The following TMEM117 variants were observed in gnomAD, a reference collection of about 807,000 sequenced individuals.
The protein encoded by TMEM117 is transmembrane protein 117.
In TMEM117, 27 loss-of-function variants were observed where a neutral mutation model predicts 52.4. That is an observed-to-expected ratio of 0.51 (90% CI 0.38 to 0.71). TMEM117 has a LOEUF of 0.71. Among genes scored for constraint, TMEM117 ranks in the 30% least tolerant of loss-of-function variants. The probability of loss-of-function intolerance (pLI) is 0.00; values close to 1 mark genes in which losing one functional copy is unlikely to be tolerated. For missense variants in TMEM117, 556 were observed against 630.5 expected, an observed-to-expected ratio of 0.88 and a Z score of 1.26; for synonymous variants, 215 against 206.3, an observed-to-expected ratio of 1.04 and a Z score of -0.36.
At chr12:44,194,036 A>G (rs1333029814) in intron 4 of TMEM117, among the ~76,000 whole-genome samples, 2 of 152,210 alleles carry the variant, frequency 1.3e-5, no homozygotes, top group East Asian at 3.8e-4. Context: ...ATAAAGTAAT[A>G]TATGCAAATA....
chr12:43,830,574 C>T, the TMEM117 span, among the ~76,000 whole-genome samples: 5 of 149,798 alleles, frequency 3.3e-5, no homozygotes, highest in African/African-American at 1.2e-4. Context: ...CATGCCACTG[C>T]ACTCCAGCCT....
chr12:44,168,003 C>G (rs1472970698), intron 4 of TMEM117, among the ~76,000 whole-genome samples: 1 of 152,088 alleles, frequency 6.6e-6, no homozygotes, highest in Non-Finnish European at 1.5e-5. Flanking sequence ...CGCCTGTAAT[C>G]CCAGCACTTT....
At chr12:44,319,067 AC>A (rs1254583218) in intron 6 of TMEM117, among the ~76,000 whole-genome samples, 1 of 152,052 alleles carries the variant, frequency 6.6e-6, no homozygotes. Flanking sequence ...CAATTCCAGC[AC>A]CTACAACTGG....
chr12:44,009,847 T>G (rs767218876), intron 3 of TMEM117: 2 of 268,630 alleles, frequency 7.4e-6, no homozygotes, highest in Non-Finnish European at 1.6e-5. Flanking sequence ...TTGTGCAAAA[T>G]GGTCAGGAAC....
At chr12:44,181,993 A>G (rs1339372658) in intron 4 of TMEM117, among the ~76,000 whole-genome samples, 1 of 152,102 alleles carries the variant, frequency 6.6e-6, no homozygotes, top group Non-Finnish European at 1.5e-5. Flanking sequence ...TGAGCATGGA[A>G]TGTTCTTCCA....
intron 6 of TMEM117, among the ~76,000 whole-genome samples, chr12:44,319,531 A>G (rs540507804): frequency 1.3e-5 from 2 of 152,254 alleles, no homozygotes; most frequent in African/African-American, 2.4e-5. Context: ...CACTGTCTTA[A>G]TGGGTTCCCG....
At chr12:43,809,163 A>G in the TMEM117 span, among the ~76,000 whole-genome samples, 15 of 152,204 alleles carry the variant, frequency 9.9e-5, no homozygotes, top group Non-Finnish European at 1.6e-4. Context: ...AGCAGTATAC[A>G]TGTTTGTGTA....
At position 43,897,669 on chromosome 12, in the gene TMEM117, A is replaced by G. The variant is rs188746530; in HGVS notation, c.278-46541A>G. Among the ~76,000 whole-genome samples, 491 of 151,800 alleles carry G rather than the reference A, an allele frequency of 3.2e-3. 2 individuals are homozygous for G. The highest frequency in any genetic ancestry group is 6.0e-3 in the Non-Finnish European group (410 of 67,928). On this transcript the variant is annotated intron_variant, in intron 2 of 7. Transcript: ENST00000266534. ...GTTTCCCAGGCTGGAGTGCAGTGGC[A>G]TGTTATTGGCTCACTGTTGCCTCTG...
At chr12:43,944,382 G>A in intron 3 of TMEM117, 40 bp downstream of exon 3, 2 of 1,565,294 alleles carry the variant, frequency 1.3e-6, no homozygotes, top group Non-Finnish European at 1.7e-6. Context: ...TGAGTGTTAT[G>A]TTTGAAACTT....
intron 2 of TMEM117, among the ~76,000 whole-genome samples, chr12:43,912,910 A>G (rs1237859148): frequency 6.6e-6 from 1 of 152,204 alleles, no homozygotes; most frequent in Non-Finnish European, 1.5e-5. Flanking sequence ...GAGTCCTCCA[A>G]GAAAGGCTTG....
chr12:44,038,255 G>T (rs958807306), intron 3 of TMEM117, among the ~76,000 whole-genome samples: 6 of 152,142 alleles, frequency 3.9e-5, no homozygotes, highest in African/African-American at 1.4e-4. Context: ...CCCTTGGGGA[G>T]CCTATACCTA....
intron 4 of TMEM117, among the ~76,000 whole-genome samples, chr12:44,151,720 A>G (rs561329490): frequency 6.7e-6 from 1 of 149,832 alleles, no homozygotes; most frequent in African/African-American, 2.5e-5. Flanking sequence ...AAAAGAAGCT[A>G]TGTGCTTTTT....
intron 3 of TMEM117, among the ~76,000 whole-genome samples, chr12:43,987,105 A>G (rs1290546362): frequency 1.3e-5 from 2 of 152,166 alleles, no homozygotes; most frequent in African/African-American, 4.8e-5. Flanking sequence ...GGTCATATGG[A>G]TAGGCCCCAA....
At chr12:44,030,936 T>C (rs545138748) in intron 3 of TMEM117, among the ~76,000 whole-genome samples, 2 of 152,348 alleles carry the variant, frequency 1.3e-5, no homozygotes, top group Non-Finnish European at 2.9e-5. Context: ...CAACAGGTTT[T>C]TCTTAAAGCA....
At chr12:43,876,374 T>C (rs888836259) in intron 2 of TMEM117, among the ~76,000 whole-genome samples, 1 of 152,332 alleles carries the variant, frequency 6.6e-6, no homozygotes, top group East Asian at 1.9e-4. Context: ...TCTGATATTG[T>C]CTTGTCATTT....
intron 5 of TMEM117, among the ~76,000 whole-genome samples, chr12:44,281,455 A>G (rs574443558): frequency 3.9e-5 from 6 of 152,060 alleles, no homozygotes; most frequent in African/African-American, 9.6e-5. Flanking sequence ...ACTCAGACAT[A>G]CTCTTGTTCT....
intron 5 of TMEM117, among the ~76,000 whole-genome samples, chr12:44,224,273 A>T (rs573208158): frequency 6.6e-6 from 1 of 152,250 alleles, no homozygotes; most frequent in Admixed American, 6.5e-5. Context: ...ACCATCTTTT[A>T]TCTATACATC....
intron 2 of TMEM117, among the ~76,000 whole-genome samples, chr12:43,860,733 G>A (rs938457788): frequency 4.6e-5 from 7 of 151,970 alleles, no homozygotes; most frequent in African/African-American, 1.7e-4. Context: ...GAGGGAGGTG[G>A]GACAGCCGGT....
rs1948176113 is a variant in TMEM117 at position 44,118,120 on chromosome 12, C to A, written c.411-25405C>A. On this transcript the variant is annotated intron_variant, in intron 3 of 7. Transcript: ENST00000266534. Reference sequence around the variant, plus strand: ...GTGATGGAATATCAGGTGACATTTTCCTTCCAATCTTTAATGCTTTTTATA... The same window carrying A: ...GTGATGGAATATCAGGTGACATTTTACTTCCAATCTTTAATGCTTTTTATA... Among the ~76,000 whole-genome samples, 2 of 151,668 alleles carry A rather than the reference C, an allele frequency of 1.3e-5. 1 individual carries two copies. Among genetic ancestry groups the A allele is most frequent in the South Asian group, 4.2e-4 (2 of 4,806 alleles).
Sources: allele counts gnomAD v4.1 joint callset (sites outside exome capture counted in the v4.1 genomes callset), GRCh38; gene constraint gnomAD v4.1.1; transcripts MANE v1.5; gene names NCBI Gene and HGNC (gene_info 2026-07-23, HGNC 2026-07-21).